Variants in MYH9 observed in about 807,000 individuals in gnomAD.
The protein encoded by MYH9 is myosin heavy chain 9.
MYH9 carries 29 observed loss-of-function variants against 241.9 expected under a neutral mutation model. The observed-to-expected ratio is 0.12, with a 90% CI of 0.09 to 0.16. MYH9 has a LOEUF of 0.16. MYH9 is among the 10% of genes least tolerant of loss of function. The probability of loss-of-function intolerance (pLI) is 1.00; values close to 1 mark genes in which losing one functional copy is unlikely to be tolerated. For missense variants in MYH9, 1,803 were observed against 2,595.5 expected (o/e 0.69, Z 6.63); for synonymous variants, 1,047 against 1,062.6 (o/e 0.99, Z 0.29).
At chr22:36,283,175 C>T (rs1489937270) in intron 40 of MYH9, among the ~76,000 whole-genome samples, 1 of 152,150 alleles carries the variant, frequency 6.6e-6, no homozygotes, top group Non-Finnish European at 1.5e-5. Flanking sequence ...AGTACAAAGA[C>T]AGGCACCCTC....
chr22:36,363,793 CAG>C (rs1334112873), intron 1 of MYH9, among the ~76,000 whole-genome samples: 2 of 152,184 alleles, frequency 1.3e-5, no homozygotes, highest in Non-Finnish European at 2.9e-5. Flanking sequence ...AAGCGGCTGA[CAG>C]GGGAAGGGTT....
At chr22:36,365,875 A>C (rs1038272544) in intron 1 of MYH9, among the ~76,000 whole-genome samples, 1 of 152,270 alleles carries the variant, frequency 6.6e-6, no homozygotes, top group African/African-American at 2.4e-5. Flanking sequence ...ATTCAAGTCT[A>C]TTTTATTTCA....
chr22:36,344,039 C>T (rs2017633904), intron 2 of MYH9, among the ~76,000 whole-genome samples: 1 of 152,230 alleles, frequency 6.6e-6, no homozygotes, highest in Non-Finnish European at 1.5e-5. Context: ...GTCTTTCTGA[C>T]AGCTGGGTGG....
chr22:36,331,850 A>G (rs930525953), intron 3 of MYH9, among the ~76,000 whole-genome samples: 6 of 152,218 alleles, frequency 3.9e-5, no homozygotes, highest in African/African-American at 4.8e-5. Flanking sequence ...CAAGAAAGAA[A>G]AACAGGAAAA....
At chr22:36,283,392 C>T (rs2016524013) in intron 40 of MYH9, among the ~76,000 whole-genome samples, 1 of 151,734 alleles carries the variant, frequency 6.6e-6, no homozygotes, top group Non-Finnish European at 1.5e-5. Context: ...CAAAAATTAG[C>T]CGGGCATAGT....
At chr22:36,286,031 C>G (rs2016574861) in intron 35 of MYH9, 78 bp from the exon 36 acceptor site, 11 of 1,513,598 alleles carry the variant, frequency 7.3e-6, no homozygotes, top group African/African-American at 1.4e-5. Flanking sequence ...CAGGCACCCT[C>G]CCCTCAAGCC....
At chr22:36,297,080 A>G (rs2146340014) in intron 24 of MYH9, 66 bp from the exon 25 acceptor site, 1 of 1,556,302 alleles carries the variant, frequency 6.4e-7, no homozygotes, top group Admixed American at 1.7e-5. Flanking sequence ...TCAATTACTT[A>G]TACAAAATAC....
intron 14 of MYH9, 55 bp downstream of exon 14, chr22:36,311,994 G>C (rs1357200172): frequency 6.3e-7 from 1 of 1,599,998 alleles, no homozygotes; most frequent in Non-Finnish European, 8.5e-7. Context: ...AGAGAGCCTC[G>C]ACTCCACCTC....
At chr22:36,368,236 G>A (rs1224786164) in intron 1 of MYH9, among the ~76,000 whole-genome samples, 1 of 152,214 alleles carries the variant, frequency 6.6e-6, no homozygotes, top group East Asian at 1.9e-4. Context: ...TTTATTCTGA[G>A]TGCTTTTCAC....
Position 36,326,686 on chromosome 22 carries a change from C to T in MYH9, c.519-25G>A, listed in dbSNP as rs374439813. The T allele has an allele frequency of 5.7e-5, 92 of 1,602,140 alleles. No individual in the cohort carries two copies. The Middle Eastern group carries it at 3.0e-3, about 52-fold the overall frequency. On this transcript the variant is annotated intron_variant, in intron 4 of 40. Coordinates refer to ENST00000216181, the MANE Select transcript of MYH9 (RefSeq NM_002473.6). ...ACTACCAAGAGAGGCAAGGAAGTCC[C>T]GGGCTTAGGCATGGCCAAGTCCTTG...
intron 15 of MYH9, among the ~76,000 whole-genome samples, chr22:36,307,685 C>T (rs772521052): frequency 3.4e-4 from 51 of 152,036 alleles, no homozygotes; most frequent in Non-Finnish European, 5.6e-4. Context: ...GTCAGGAGTT[C>T]GAGACCAGCC....
chr22:36,326,125 G>T (rs994713684), intron 5 of MYH9, among the ~76,000 whole-genome samples: 3 of 152,200 alleles, frequency 2.0e-5, no homozygotes, highest in African/African-American at 4.8e-5. Context: ...CTTCGCTGGG[G>T]TGGTGGGGGT....
chr22:36,359,458 T>A (rs1324741455), intron 1 of MYH9, among the ~76,000 whole-genome samples: 1 of 152,144 alleles, frequency 6.6e-6, no homozygotes, highest in Non-Finnish European at 1.5e-5. Context: ...CGCGTAAGGG[T>A]TATAGCCACC....
chr22:36,376,324 T>G (rs1383316296), intron 1 of MYH9, among the ~76,000 whole-genome samples: 7 of 152,086 alleles, frequency 4.6e-5, no homozygotes, highest in African/African-American at 1.4e-4. Flanking sequence ...CAGCTCTTCC[T>G]CCCTTCCATG....
At chr22:36,379,887 G>T (rs894915933) in intron 1 of MYH9, among the ~76,000 whole-genome samples, 1 of 152,238 alleles carries the variant, frequency 6.6e-6, no homozygotes, top group African/African-American at 2.4e-5. Context: ...TCTCAGGCTC[G>T]AGAAGCTAAT....
intron 40 of MYH9, among the ~76,000 whole-genome samples, chr22:36,283,606 T>TATC: frequency 6.6e-6 from 1 of 151,038 alleles, no homozygotes; most frequent in Non-Finnish European, 1.5e-5. Context: ...AAGAAATGAG[T>TATC]ATCTCAAAAA....
chr22:36,354,692 C>T (rs2017823921), intron 1 of MYH9, among the ~76,000 whole-genome samples: 1 of 152,006 alleles, frequency 6.6e-6, no homozygotes. Flanking sequence ...GATCTGCCTG[C>T]CTCGGCCTCC....
At position 36,320,711 on chromosome 22, in the gene MYH9, A is replaced by G; in HGVS notation, c.868+87T>C. The G allele has an allele frequency of 8.2e-7, 1 of 1,215,036 alleles. No individual in the cohort carries two copies. The highest frequency in any genetic ancestry group is 1.2e-6 in the Non-Finnish European group (1 of 835,176). 75.3% of individuals were successfully genotyped at this position (1,215,036 alleles called of 1,614,324 possible). On this transcript the variant is annotated intron_variant, in intron 8 of 40. Transcript: ENST00000216181. The surrounding 1 kb of genome is among the most constrained non-coding windows in gnomAD (Gnocchi z 4.8). ...GTTAAACCCAAGGCCAAAAGTTTTCATTTCCCAAATGATGTCTACGGTCCA... is the reference window on the plus strand; with the variant it reads ...GTTAAACCCAAGGCCAAAAGTTTTCGTTTCCCAAATGATGTCTACGGTCCA...
intron 15 of MYH9, chr22:36,308,713 C>CG (rs1400883478): frequency 3.9e-6 from 2 of 517,340 alleles, no homozygotes; most frequent in Non-Finnish European, 4.5e-6. Context: ...AAAGCCAAGG[C>CG]AAGGGGGGGC....
Sources: allele counts gnomAD v4.1 joint callset (sites outside exome capture counted in the v4.1 genomes callset), GRCh38; gene constraint gnomAD v4.1.1; non-coding constraint Gnocchi (gnomAD v3.1); transcripts MANE v1.5; gene names NCBI Gene and HGNC (gene_info 2026-07-23, HGNC 2026-07-21).